TMEFF2: variants seen among roughly 807,000 people sequenced by gnomAD.
TMEFF2 encodes transmembrane protein with EGF like and two follistatin like domains 2, also known as tomoregulin-2.
TMEFF2 carries 28 observed loss-of-function variants against 53.8 expected under a neutral mutation model. The observed-to-expected ratio is 0.52, with a 90% CI of 0.39 to 0.71. The LOEUF (loss-of-function observed/expected upper bound fraction) is 0.71. TMEFF2 is among the 30% of genes least tolerant of loss of function. TMEFF2 has a pLI of 0.00. For missense variants in TMEFF2, 353 were observed against 455.2 expected, an observed-to-expected ratio of 0.78 and a Z score of 2.04; for synonymous variants, 162 against 166.3, an observed-to-expected ratio of 0.97 and a Z score of 0.20.
intron 4 of TMEFF2, among the ~76,000 whole-genome samples, chr2:192,114,175 TAAAC>T (rs1438976283): frequency 1.3e-5 from 2 of 149,364 alleles, no homozygotes; most frequent in Non-Finnish European, 3.0e-5. Flanking sequence ...AAATATAAAA[TAAAC>T]AACTCAGATT....
intron 5 of TMEFF2, chr2:192,035,313 G>T (rs1204066989): frequency 2.0e-5 from 3 of 152,178 alleles, no homozygotes; most frequent in Non-Finnish European, 4.4e-5. Context: ...TCAGCCACAG[G>T]TCACAGTCTA....
At chr2:192,004,523 G>T (rs1055364756) in intron 5 of TMEFF2, among the ~76,000 whole-genome samples, 2 of 152,186 alleles carry the variant, frequency 1.3e-5, no homozygotes, top group African/African-American at 2.4e-5. Context: ...GTGTATGCCT[G>T]TAGTCCCAGC....
Position 191,953,798 on chromosome 2 carries a change from C to T in TMEFF2, c.909G>A (p.Lys303=), listed in dbSNP as rs765943296. 3 of 1,612,310 alleles carry T rather than the reference C, an allele frequency of 1.9e-6. No homozygotes were observed. Among genetic ancestry groups the T allele is most frequent in the Admixed American group, 3.3e-5 (2 of 59,926 alleles). ...GAACAACGTATAGAACACTGTAGTC[C>T]TTTTTTTCACAGTGTTGTCCAGTAT... ...AGYTGQHCEK[K]DYSVLYVVPG... Residue 303 remains lysine, a synonymous_variant, in exon 9 of 10, where the codon AAG becomes AAA. Coordinates refer to ENST00000272771, the MANE Select transcript of TMEFF2 (RefSeq NM_016192.4).
rs148934446 is a variant in TMEFF2, at chr2:192,054,529, C to T, written c.536+3150G>A. ...CTATCCTTGCCCATATCTTTTCATACTGCCTTCATACCATGGATCTGAACT... is the reference window on the plus strand; with the variant it reads ...CTATCCTTGCCCATATCTTTTCATATTGCCTTCATACCATGGATCTGAACT... On this transcript the variant is annotated intron_variant, in intron 5 of 9. Transcript: ENST00000272771. Among the ~76,000 whole-genome samples the T allele has an allele frequency of 2.5e-4, 38 of 152,238 alleles. No homozygotes were observed. The East Asian group carries it at 7.2e-3, about 29-fold the overall frequency.
At chr2:192,021,262 G>A (rs998707552) in intron 5 of TMEFF2, among the ~76,000 whole-genome samples, 5 of 152,136 alleles carry the variant, frequency 3.3e-5, no homozygotes, top group African/African-American at 1.2e-4. Flanking sequence ...GAACTAGGCT[G>A]AAGCAGAACA....
intron 4 of TMEFF2, among the ~76,000 whole-genome samples, chr2:192,068,661 A>C (rs553665982): frequency 2.0e-5 from 3 of 151,940 alleles, no homozygotes; most frequent in African/African-American, 7.2e-5. Context: ...ACAAAAACAA[A>C]ATAAGGGCTT....
intron 5 of TMEFF2, among the ~76,000 whole-genome samples, chr2:192,054,108 C>A (rs928539536): frequency 3.9e-5 from 6 of 151,984 alleles, no homozygotes; most frequent in African/African-American, 1.4e-4. Flanking sequence ...GCCGTGGCCA[C>A]TTAGCCCCCA....
At chr2:192,120,765 C>T (rs1201378299) in intron 4 of TMEFF2, among the ~76,000 whole-genome samples, 4 of 150,550 alleles carry the variant, frequency 2.7e-5, no homozygotes, top group Admixed American at 2.6e-4. Flanking sequence ...GAGATGGAGT[C>T]TCGCTCTGTC....
At chr2:192,094,063 T>A (rs965340101) in intron 4 of TMEFF2, among the ~76,000 whole-genome samples, 9 of 152,180 alleles carry the variant, frequency 5.9e-5, no homozygotes, top group African/African-American at 2.2e-4. Context: ...ATTCTCTACA[T>A]TGTCACATTT....
In TMEFF2 at chr2:192,130,647, T is replaced by C. The variant is rs567664806; in HGVS notation, c.439+49021A>G. 3.1e-3 allele frequency among the ~76,000 whole-genome samples: 465 copies of C among 150,762 alleles called. 1 individual carries two copies. The highest frequency in any genetic ancestry group is 0.017 in the Middle Eastern group (5 of 294). On this transcript the variant is annotated intron_variant, in intron 4 of 9. Transcript: ENST00000272771. ...GCCCCTGCCCACCAGAGAACAACCC[T>C]CTTTGACTGTAATTTTCCATTACCT... is the stretch of plus-strand genomic sequence containing the variant.
At chr2:192,128,269 T>C (rs1013657080) in intron 4 of TMEFF2, among the ~76,000 whole-genome samples, 1 of 152,364 alleles carries the variant, frequency 6.6e-6, no homozygotes, top group South Asian at 2.1e-4. Context: ...TCTACTTTTA[T>C]ACTATGTAAG....
intron 7 of TMEFF2, among the ~76,000 whole-genome samples, chr2:191,963,775 T>C (rs1031409242): frequency 6.6e-6 from 1 of 152,192 alleles, no homozygotes; most frequent in Non-Finnish European, 1.5e-5. Context: ...TTGCTTATTA[T>C]CTTCTAAAGA....
chr2:192,188,635 C>T (rs188233304), intron 2 of TMEFF2, among the ~76,000 whole-genome samples: 57 of 152,190 alleles, frequency 3.7e-4, no homozygotes, highest in Non-Finnish European at 7.2e-4. Flanking sequence ...ATCTAAAGCA[C>T]GACTTATTAA....
intron 4 of TMEFF2, among the ~76,000 whole-genome samples, chr2:192,129,249 A>G (rs1408603343): frequency 1.3e-5 from 2 of 152,182 alleles, no homozygotes; most frequent in Non-Finnish European, 2.9e-5. Context: ...CAGTTTTTTA[A>G]AAATGTCCAC....
At chr2:192,151,027 G>A (rs1460058217) in intron 4 of TMEFF2, among the ~76,000 whole-genome samples, 11 of 151,644 alleles carry the variant, frequency 7.3e-5, no homozygotes, top group Admixed American at 7.2e-4. Context: ...TGGATCATGG[G>A]GGCATTTTCC....
chr2:191,955,372 G>A (rs192481341), intron 8 of TMEFF2, among the ~76,000 whole-genome samples: 58 of 150,308 alleles, frequency 3.9e-4, no homozygotes, highest in African/African-American at 1.2e-3. Flanking sequence ...TATAAGAGGC[G>A]GGGTCTTGCT....
intron 2 of TMEFF2, among the ~76,000 whole-genome samples, chr2:192,190,100 G>A (rs1167787528): frequency 1.3e-5 from 2 of 151,958 alleles, no homozygotes; most frequent in Admixed American, 6.6e-5. Context: ...GTTGATAAAA[G>A]TTTTACCAAA....
intron 4 of TMEFF2, among the ~76,000 whole-genome samples, chr2:192,119,781 C>G (rs976392864): frequency 6.6e-6 from 1 of 152,198 alleles, no homozygotes; most frequent in Non-Finnish European, 1.5e-5. Context: ...CATCTGTCCT[C>G]TAAATGAATT....
At chr2:192,124,135 G>A (rs1005389309) in intron 4 of TMEFF2, among the ~76,000 whole-genome samples, 2 of 152,128 alleles carry the variant, frequency 1.3e-5, no homozygotes, top group African/African-American at 4.8e-5. Flanking sequence ...CAGTGCTGCT[G>A]GGTTACAAAT....
Sources: allele counts gnomAD v4.1 joint callset (sites outside exome capture counted in the v4.1 genomes callset), GRCh38; gene constraint gnomAD v4.1.1; transcripts MANE v1.5; gene names NCBI Gene and HGNC (gene_info 2026-07-23, HGNC 2026-07-21).